TRIO: variants seen among roughly 807,000 people sequenced by gnomAD.
The protein encoded by TRIO is trio Rho guanine nucleotide exchange factor.
Under a neutral mutation model 351.9 loss-of-function variants are expected in TRIO, and 58 were observed. The observed-to-expected ratio is 0.16, with a 90% CI of 0.13 to 0.21. The LOEUF is 0.21. TRIO is among the 10% of genes least tolerant of loss of function. The probability of loss-of-function intolerance (pLI) is 1.00; values close to 1 mark genes in which losing one functional copy is unlikely to be tolerated. For missense variants in TRIO, 3,201 were observed against 4,027.8 expected (o/e 0.79, Z 5.56); for synonymous variants, 1,758 against 1,595.7 (o/e 1.10, Z -2.42).
At chr5:14,408,572 A>G (rs2152382112) in intron 33 of TRIO, among the ~76,000 whole-genome samples, 1 of 152,316 alleles carries the variant, frequency 6.6e-6, no homozygotes, top group African/African-American at 2.4e-5. Flanking sequence ...CATTGAGGTT[A>G]AAGAAATAAA....
chr5:14,427,340 C>G (rs374855984), intron 34 of TRIO, among the ~76,000 whole-genome samples: 10 of 152,168 alleles, frequency 6.6e-5, no homozygotes, highest in South Asian at 4.1e-4. Context: ...CCCTTCACCC[C>G]CCATGGCACA....
intron 33 of TRIO, among the ~76,000 whole-genome samples, chr5:14,409,248 G>A (rs1458158656): frequency 6.6e-6 from 1 of 152,102 alleles, no homozygotes; most frequent in Non-Finnish European, 1.5e-5. Flanking sequence ...TAGGAGTAGT[G>A]AAATTAGCAC....
chr5:14,287,122 AT>A, intron 4 of TRIO, 59 bp downstream of exon 4: 1 of 1,536,920 alleles, frequency 6.5e-7, no homozygotes, highest in South Asian at 1.2e-5. Context: ...ACTAAAAGCT[AT>A]TGAGGCTAAT....
At chr5:14,197,217 C>T (rs916765802) in intron 1 of TRIO, among the ~76,000 whole-genome samples, 3 of 152,104 alleles carry the variant, frequency 2.0e-5, no homozygotes, top group Non-Finnish European at 4.4e-5. Context: ...GCTGTGAGTC[C>T]CCTGGGCTGT....
intron 1 of TRIO, among the ~76,000 whole-genome samples, chr5:14,211,269 T>G (rs190733703): frequency 5.3e-4 from 81 of 152,310 alleles, no homozygotes; most frequent in African/African-American, 1.9e-3. Flanking sequence ...TCTCAAAGAT[T>G]TGATGTAAAA....
intron 48 of TRIO, chr5:14,490,768 CTAATTA>C (rs1756424484): frequency 4.4e-6 from 2 of 455,410 alleles, no homozygotes; most frequent in South Asian, 3.1e-5. Context: ...GCAAAATACT[CTAATTA>C]TGAGATTGTA....
chr5:14,479,913 C>T lies in TRIO; in HGVS notation c.6244-6C>T, dbSNP rs1561538348. ...ATACGATCTTTTCTCTCTCTTAAAA[C>T]TGTAGGACTTAAAGCAGCGTCTTGG... On this transcript the variant is annotated splice_polypyrimidine_tract_variant and splice_region_variant and intron_variant, in intron 42 of 56. Transcript: ENST00000344204. 6.2e-7 allele frequency: 1 copy of T among 1,613,820 alleles called. No individual in the cohort carries two copies. Among genetic ancestry groups the T allele is most frequent in the Middle Eastern group, 1.6e-4 (1 of 6,062 alleles).
intron 37 of TRIO, chr5:14,466,514 T>C (rs1754274566): frequency 6.6e-6 from 1 of 152,238 alleles, no homozygotes; most frequent in Admixed American, 6.5e-5. Context: ...TTCTAACTGA[T>C]TCAAATCAAT....
intron 16 of TRIO, 77 bp downstream of exon 16, chr5:14,367,056 C>T: frequency 1.3e-6 from 2 of 1,583,348 alleles, no homozygotes; most frequent in South Asian, 1.2e-5. Context: ...CAACATGGCA[C>T]TGACCATGGG....
At chr5:14,460,426 G>C (rs1365090694) in intron 34 of TRIO, among the ~76,000 whole-genome samples, 4 of 152,024 alleles carry the variant, frequency 2.6e-5, no homozygotes, top group Admixed American at 1.3e-4. Context: ...CTGGATGCTG[G>C]TCTCCCAGAG....
At chr5:14,225,920 G>T (rs190451628) in intron 1 of TRIO, among the ~76,000 whole-genome samples, 1 of 151,438 alleles carries the variant, frequency 6.6e-6, no homozygotes, top group East Asian at 2.0e-4. Flanking sequence ...TTGAACTAAT[G>T]AATGAAAGCA....
Position 14,497,752 on chromosome 5 carries a change from C to A in TRIO, c.8020-95C>A. ...TGATGCCCAGGCAAGTCAGTTTCTG[C>A]AAATCTTTCAACAATAATTGTAGCC... On this transcript the variant is annotated intron_variant, in intron 50 of 56. Coordinates refer to ENST00000344204, the MANE Select transcript of TRIO (RefSeq NM_007118.4). This position sits in a 1 kb window ranked among gnomAD's most constrained non-coding sequence, Gnocchi z 4.4. 1.9e-6 allele frequency: 3 copies of A among 1,539,990 alleles called. No individual in the cohort carries two copies. Among genetic ancestry groups the A allele is most frequent in the Non-Finnish European group, 2.7e-6 (3 of 1,114,398 alleles).
chr5:14,160,072 C>T (rs1210922278), intron 1 of TRIO, among the ~76,000 whole-genome samples: 1 of 152,192 alleles, frequency 6.6e-6, no homozygotes, highest in African/African-American at 2.4e-5. Flanking sequence ...AAAGAGACAT[C>T]GCAGAAGAAT....
At chr5:14,154,547 C>T (rs1581240905) in intron 1 of TRIO, among the ~76,000 whole-genome samples, 1 of 152,132 alleles carries the variant, frequency 6.6e-6, no homozygotes, top group South Asian at 2.1e-4. Flanking sequence ...AGGCACGTGT[C>T]CTAGGCTGTT....
chr5:14,334,644 T>A (rs1039939482), intron 10 of TRIO, among the ~76,000 whole-genome samples: 5 of 152,178 alleles, frequency 3.3e-5, no homozygotes, highest in African/African-American at 1.2e-4. Flanking sequence ...GCACTCTGGG[T>A]TCTCTGTACA....
At chr5:14,371,736 G>A (rs1322085401) in intron 18 of TRIO, among the ~76,000 whole-genome samples, 1 of 151,594 alleles carries the variant, frequency 6.6e-6, no homozygotes, top group Non-Finnish European at 1.5e-5. Context: ...AGACTCCTGG[G>A]CTTAAGTGAT....
chr5:14,398,590 A>T (rs532731942), intron 29 of TRIO, among the ~76,000 whole-genome samples: 1 of 152,294 alleles, frequency 6.6e-6, no homozygotes, highest in East Asian at 1.9e-4. Flanking sequence ...GTGGAACCAG[A>T]TCTCAACTGT....
At chr5:14,147,188 C>A (rs534667237) in intron 1 of TRIO, among the ~76,000 whole-genome samples, 10 of 152,200 alleles carry the variant, frequency 6.6e-5, no homozygotes, top group African/African-American at 2.4e-4. Context: ...AATGAGCTAG[C>A]CTTGTTTTAA....
At chr5:14,381,607 C>A (rs914579369) in intron 21 of TRIO, among the ~76,000 whole-genome samples, 2 of 152,160 alleles carry the variant, frequency 1.3e-5, no homozygotes, top group East Asian at 3.8e-4. Flanking sequence ...CCCAAGTTGA[C>A]CTTTATGTAT....
Sources: allele counts gnomAD v4.1 joint callset (sites outside exome capture counted in the v4.1 genomes callset), GRCh38; gene constraint gnomAD v4.1.1; non-coding constraint Gnocchi (gnomAD v3.1); transcripts MANE v1.5; gene names NCBI Gene and HGNC (gene_info 2026-07-23, HGNC 2026-07-21).